The following FDX1 variants were observed in gnomAD, a reference collection of about 807,000 sequenced individuals.
The protein encoded by FDX1 is ferredoxin 1.
A neutral mutation model predicts 14.9 loss-of-function variants in FDX1; 9 were observed. The observed-to-expected ratio is 0.60, with a 90% confidence interval of 0.36 to 1.05. FDX1 has a LOEUF of 1.05. FDX1 is among the 50% of genes least tolerant of loss of function. FDX1 has a pLI of 0.01. For synonymous variants in FDX1, 92 were observed against 99.4 expected (o/e 0.93, Z 0.44); for missense variants, 204 against 237.2 (o/e 0.86, Z 0.92).
In FDX1 at chr11:110,460,231, G is replaced by C. The variant is rs796933671; in HGVS notation, c.441-2123G>C. Among the ~76,000 whole-genome samples the C allele has an allele frequency of 2.4e-4, 37 of 152,122 alleles. 2 individuals carry two copies. Among genetic ancestry groups the C allele is most frequent in the African/African-American group, 8.9e-4 (37 of 41,510 alleles). Reference sequence around the variant, plus strand: ...GATAGAGGGGATTTTTTTTCTATTAGTAATCAGTATTTCTCATGGTTAAGC... The same window carrying C: ...GATAGAGGGGATTTTTTTTCTATTACTAATCAGTATTTCTCATGGTTAAGC... On this transcript the variant is annotated intron_variant, in intron 3 of 3. Transcript: ENST00000260270.
At chr11:110,456,785 A>G in intron 2 of FDX1, 133 bp from the exon 3 acceptor site, 1 of 872,898 alleles carries the variant, frequency 1.1e-6, no homozygotes, top group East Asian at 2.9e-5. Flanking sequence ...CTGGGATTAC[A>G]GGTGTGAGCC....
intron 3 of FDX1, among the ~76,000 whole-genome samples, chr11:110,459,284 G>A (rs1259263151): frequency 6.6e-6 from 1 of 152,224 alleles, no homozygotes; most frequent in Non-Finnish European, 1.5e-5. Context: ...AAATATATGT[G>A]AAGCTCTCAG....
intron 3 of FDX1, among the ~76,000 whole-genome samples, chr11:110,458,312 A>T (rs2134693342): frequency 6.6e-6 from 1 of 152,364 alleles, no homozygotes; most frequent in East Asian, 1.9e-4. Flanking sequence ...CAGCTACACA[A>T]TAGAGAGCAA....
At chr11:110,455,735 G>T (rs1272830844) in intron 2 of FDX1, among the ~76,000 whole-genome samples, 1 of 152,250 alleles carries the variant, frequency 6.6e-6, no homozygotes, top group Non-Finnish European at 1.5e-5. Flanking sequence ...AGGACCTGGG[G>T]ATGCTCAGCT....
chr11:110,429,781 A>G (rs1946315505), upstream of FDX1: 1 of 196,382 alleles, frequency 5.1e-6, no homozygotes, highest in East Asian at 1.2e-4. Flanking sequence ...TTGTTTCTGC[A>G]CGGCAACTTC....
intron 2 of FDX1, among the ~76,000 whole-genome samples, chr11:110,446,244 C>T (rs960540529): frequency 2.0e-5 from 3 of 152,098 alleles, no homozygotes; most frequent in Non-Finnish European, 4.4e-5. Flanking sequence ...AGCTTATTAC[C>T]ACAACATTAT....
intron 3 of FDX1, among the ~76,000 whole-genome samples, chr11:110,461,557 C>CA (rs57962982): frequency 0.23 from 31,953 of 136,650 alleles, 3,823 homozygotes; most frequent in East Asian, 0.39. Context: ...AGTAATTCTG[C>CA]AAAAAAAAAA....
intron 1 of FDX1, among the ~76,000 whole-genome samples, chr11:110,431,919 G>A (rs4753892): frequency 0.3 from 45,533 of 152,004 alleles, 6,875 homozygotes; most frequent in East Asian, 0.37. Flanking sequence ...GACTTGTGCT[G>A]TAACTACCGT....
chr11:110,463,665 T>G lies in FDX1; in HGVS notation c.*1197T>G, dbSNP rs1178108124. On this transcript the variant is annotated 3_prime_UTR_variant, in exon 4 of 4. Coordinates refer to ENST00000260270, the MANE Select transcript of FDX1 (RefSeq NM_004109.5). ...TATAAATATTTGTCTAGTACAATGC[T>G]TGACATACAGCATTGTGTTATGCCC... is the stretch of plus-strand genomic sequence containing the variant. 6.6e-6 allele frequency: 1 copy of G among 152,216 alleles called. No individual in the cohort carries two copies. Among genetic ancestry groups the G allele is most frequent in the Non-Finnish European group, 1.5e-5 (1 of 68,042 alleles). 9.4% of individuals were successfully genotyped at this position (152,216 alleles called of 1,614,324 possible).
At chr11:110,461,294 G>T (rs1946554668) in intron 3 of FDX1, among the ~76,000 whole-genome samples, 1 of 152,002 alleles carries the variant, frequency 6.6e-6, no homozygotes, top group Admixed American at 6.5e-5. Context: ...CCAGGAGGTT[G>T]AGACCAGCCT....
intron 1 of FDX1, among the ~76,000 whole-genome samples, chr11:110,433,968 A>G (rs114729295): frequency 5.3e-5 from 8 of 152,194 alleles, no homozygotes; most frequent in African/African-American, 1.9e-4. Context: ...GGTAGTAATA[A>G]GAATAACAAC....
At chr11:110,441,137 G>T (rs1946401929) in intron 2 of FDX1, among the ~76,000 whole-genome samples, 1 of 152,232 alleles carries the variant, frequency 6.6e-6, no homozygotes, top group South Asian at 2.1e-4. Flanking sequence ...CCAGTATTGT[G>T]AGGCTTCCTC....
In FDX1 at chr11:110,462,987, A is replaced by G. The variant is rs1358618173; in HGVS notation, c.*519A>G. On this transcript the variant is annotated 3_prime_UTR_variant, in exon 4 of 4. Transcript: ENST00000260270. The stretch of plus-strand genomic sequence containing the variant: ...AGTAGTTAAATCTGAATGTGTATGG[A>G]CAAAAATATTTAATTGCTCAGTAAA... 4 of 152,290 alleles carry G rather than the reference A, an allele frequency of 2.6e-5. No individual in the cohort carries two copies. The highest frequency in any genetic ancestry group is 4.4e-5 in the Non-Finnish European group (3 of 68,072). 9.4% of individuals were successfully genotyped at this position (152,290 alleles called of 1,614,324 possible). A position where few individuals can be genotyped will look rare whatever the true frequency, so the allele number is the denominator to read the frequency against.
At chr11:110,458,061 T>A (rs1591254984) in intron 3 of FDX1, among the ~76,000 whole-genome samples, 2 of 152,216 alleles carry the variant, frequency 1.3e-5, no homozygotes, top group East Asian at 3.9e-4. Context: ...TTTCTTCCCC[T>A]TAACACAGAA....
At chr11:110,433,643 A>G (rs12787705) in intron 1 of FDX1, among the ~76,000 whole-genome samples, 3,953 of 152,338 alleles carry the variant, frequency 0.026, 75 homozygotes, top group Middle Eastern at 0.082. Context: ...CATGTTGAAA[A>G]TTATGAATAA....
intron 1 of FDX1, among the ~76,000 whole-genome samples, chr11:110,430,728 C>T (rs1195629825): frequency 6.6e-6 from 1 of 152,248 alleles, no homozygotes; most frequent in Non-Finnish European, 1.5e-5. Flanking sequence ...CCTGACACAC[C>T]TGCCAGCTGT....
At chr11:110,437,979 G>T (rs1342028338) in intron 2 of FDX1, among the ~76,000 whole-genome samples, 1 of 152,140 alleles carries the variant, frequency 6.6e-6, no homozygotes, top group Admixed American at 6.5e-5. Context: ...TCTTTTTATG[G>T]CTGCATATTC....
chr11:110,449,550 T>G (rs1025730749), intron 2 of FDX1, among the ~76,000 whole-genome samples: 11 of 152,240 alleles, frequency 7.2e-5, no homozygotes, highest in African/African-American at 2.4e-4. Context: ...TGAAATTTAC[T>G]GTTAGTAACT....
At chr11:110,459,690 A>C (rs1316095136) in intron 3 of FDX1, among the ~76,000 whole-genome samples, 1 of 152,244 alleles carries the variant, frequency 6.6e-6, no homozygotes, top group African/African-American at 2.4e-5. Flanking sequence ...CCAGGTTTGC[A>C]GAAGTGTCAA....
Sources: allele counts gnomAD v4.1 joint callset (sites outside exome capture counted in the v4.1 genomes callset), GRCh38; gene constraint gnomAD v4.1.1; transcripts MANE v1.5; gene names NCBI Gene and HGNC (gene_info 2026-07-23, HGNC 2026-07-21).